Variants in HS6ST1 observed in about 807,000 individuals in gnomAD.
HS6ST1 encodes the protein heparan sulfate 6-O-sulfotransferase 1.
In HS6ST1, 3 loss-of-function variants were observed where a neutral mutation model predicts 25.2. The observed-to-expected ratio is 0.12, with a 90% CI of 0.05 to 0.31. HS6ST1 has a LOEUF of 0.31. HS6ST1 is among the 10% of genes least tolerant of loss of function. The probability of loss-of-function intolerance (pLI) is 1.00; values close to 1 mark genes in which losing one functional copy is unlikely to be tolerated. For synonymous variants in HS6ST1, 204 were observed against 275.1 expected, an observed-to-expected ratio of 0.74 and a Z score of 2.56; for missense variants, 310 against 609.6, an observed-to-expected ratio of 0.51 and a Z score of 5.18.
At chr2:128,305,403 C>G (rs1198088953) in intron 1 of HS6ST1, among the ~76,000 whole-genome samples, 1 of 152,216 alleles carries the variant, frequency 6.6e-6, no homozygotes, top group East Asian at 1.9e-4. Context: ...GACAAGCGGC[C>G]CTGCCTGGAC....
At chr2:128,290,936 C>T (rs559103013) in intron 1 of HS6ST1, among the ~76,000 whole-genome samples, 3 of 151,116 alleles carry the variant, frequency 2.0e-5, no homozygotes, top group South Asian at 2.1e-4. Flanking sequence ...GAGCGGAGAT[C>T]GTGTCATAGC....
intron 1 of HS6ST1, among the ~76,000 whole-genome samples, chr2:128,279,874 C>T (rs753728326): frequency 7.2e-5 from 11 of 152,178 alleles, no homozygotes; most frequent in Non-Finnish European, 1.6e-4. Context: ...CTGAGGACCG[C>T]GTGAGCACCC....
At chr2:128,276,933 T>A (rs951336890) in intron 1 of HS6ST1, among the ~76,000 whole-genome samples, 1 of 152,028 alleles carries the variant, frequency 6.6e-6, no homozygotes, top group Non-Finnish European at 1.5e-5. Context: ...AGGGCCCCTG[T>A]GGGTATCAGT....
At chr2:128,317,915 G>C (rs957234205) in intron 1 of HS6ST1, 122 bp downstream of exon 1, 2 of 1,196,344 alleles carry the variant, frequency 1.7e-6, no homozygotes, top group Non-Finnish European at 1.1e-6. Context: ...GCCGGCGAGT[G>C]GGGGCCCCCA....
chr2:128,313,876 G>A (rs543719397), intron 1 of HS6ST1, among the ~76,000 whole-genome samples: 4 of 151,230 alleles, frequency 2.6e-5, no homozygotes, highest in Admixed American at 2.0e-4. Context: ...CCCCAAGCTA[G>A]AGGACCATCT....
At chr2:128,313,879 G>C (rs1326488292) in intron 1 of HS6ST1, among the ~76,000 whole-genome samples, 1 of 151,188 alleles carries the variant, frequency 6.6e-6, no homozygotes, top group Non-Finnish European at 1.5e-5. Context: ...CAAGCTAGAG[G>C]ACCATCTAAA....
chr2:128,315,677 A>G (rs1184693693), intron 1 of HS6ST1, among the ~76,000 whole-genome samples: 1 of 151,990 alleles, frequency 6.6e-6, no homozygotes, highest in Non-Finnish European at 1.5e-5. Flanking sequence ...GGGGAAGTGC[A>G]TCCCAACCGC....
intron 1 of HS6ST1, among the ~76,000 whole-genome samples, chr2:128,303,846 G>A (rs561346354): frequency 6.6e-6 from 1 of 152,374 alleles, no homozygotes; most frequent in East Asian, 1.9e-4. Flanking sequence ...TTGTTTCTGG[G>A]TATGTCTGTG....
chr2:128,281,526 A>G (rs531563441), intron 1 of HS6ST1, among the ~76,000 whole-genome samples: 19 of 152,118 alleles, frequency 1.2e-4, no homozygotes, highest in Non-Finnish European at 2.5e-4. Context: ...AGCGGATGTG[A>G]CCGCGGAGCA....
chr2:128,269,575 G>A (rs1418024995), intron 1 of HS6ST1, among the ~76,000 whole-genome samples: 2 of 152,260 alleles, frequency 1.3e-5, no homozygotes, highest in Non-Finnish European at 2.9e-5. Flanking sequence ...ACGCTGGGCT[G>A]GAGGCGTCAG....
chr2:128,315,401 T>C (rs1262080199), intron 1 of HS6ST1, among the ~76,000 whole-genome samples: 1 of 151,938 alleles, frequency 6.6e-6, no homozygotes, highest in East Asian at 1.9e-4. Context: ...ACTGAGACCC[T>C]CCCAAACCGC....
chr2:128,306,689 G>A (rs1001637221), intron 1 of HS6ST1, among the ~76,000 whole-genome samples: 1 of 152,220 alleles, frequency 6.6e-6, no homozygotes. Context: ...GCAAATATGG[G>A]GCTGGGGTCA....
At position 128,267,094 on chromosome 2, in the gene HS6ST1, G is replaced by C. The variant is rs1053888092; in HGVS notation, c.*1068C>G. Reference sequence around the variant, plus strand: ...CCATACAGAGCCACTGTGGTCCGAGGGTACGGCTCCTGGGCAGGGGCTATG... The same window carrying C: ...CCATACAGAGCCACTGTGGTCCGAGCGTACGGCTCCTGGGCAGGGGCTATG... On this transcript the variant is annotated 3_prime_UTR_variant, in exon 2 of 2. Coordinates refer to ENST00000259241, the MANE Select transcript of HS6ST1 (RefSeq NM_004807.3). The C allele has an allele frequency of 1.3e-5, 2 of 152,270 alleles. No homozygotes were observed. Among genetic ancestry groups the C allele is most frequent in the Non-Finnish European group, 2.9e-5 (2 of 68,078 alleles). The allele number at this position is 152,270 out of a possible 1,614,324, so 9.4% of individuals were successfully genotyped here.
At chr2:128,293,173 C>T (rs1007172978) in intron 1 of HS6ST1, among the ~76,000 whole-genome samples, 7 of 152,252 alleles carry the variant, frequency 4.6e-5, no homozygotes, top group African/African-American at 1.4e-4. Flanking sequence ...TCCAGCGTCC[C>T]ACCCGCACAC....
chr2:128,298,160 A>G (rs1694067521), intron 1 of HS6ST1, among the ~76,000 whole-genome samples: 1 of 152,084 alleles, frequency 6.6e-6, no homozygotes. Context: ...TTATCAAAAA[A>G]CAGGAAGAAA....
Position 128,318,024 on chromosome 2 carries a change from C to G in HS6ST1, c.527+13G>C. 1 of 1,466,746 alleles carries G rather than the reference C, an allele frequency of 6.8e-7. No individual in the cohort carries two copies. Among genetic ancestry groups the G allele is most frequent in the Non-Finnish European group, 8.9e-7 (1 of 1,120,322 alleles). 90.9% of individuals were successfully genotyped at this position (1,466,746 alleles called of 1,614,324 possible). A position where few individuals can be genotyped will look rare whatever the true frequency, so the allele number is the denominator to read the frequency against. On this transcript the variant is annotated intron_variant, in intron 1 of 1. Coordinates refer to ENST00000259241, the MANE Select transcript of HS6ST1 (RefSeq NM_004807.3). The surrounding 1 kb of genome is among the most constrained non-coding windows in gnomAD (Gnocchi z 5.7). The stretch of plus-strand genomic sequence containing the variant: ...GCGCAGCTGCGCGAGGATCCCGCCG[C>G]CCGGGCGCTCACCTGGGCGTGCGCA...
intron 1 of HS6ST1, among the ~76,000 whole-genome samples, chr2:128,299,311 G>A (rs1202746265): frequency 2.0e-5 from 3 of 152,358 alleles, no homozygotes; most frequent in African/African-American, 2.4e-5. Context: ...CTGCACCCTT[G>A]GACACAGGCC....
Position 128,318,403 on chromosome 2 carries a change from A to G in HS6ST1, c.161T>C (p.Leu54Pro). Reference protein sequence around the residue: ...APGGRAPPDDLDLFPTPDPHY... With the variant: ...APGGRAPPDDPDLFPTPDPHY... ...GGGGTCGGGTGTGGGGAACAGGTCC[A>G]GGTCGTCGGGCGGCGCGCGGCCGCC... Residue 54 changes from leucine (L) to proline (P), a missense_variant, in exon 1 of 2, where the codon CTG becomes CCG. Around this residue, in one of 5 missense-constraint regions of HS6ST1, gnomAD observed 63 missense variants for 105.4 expected, o/e 0.60. Coordinates refer to ENST00000259241, the MANE Select transcript of HS6ST1 (RefSeq NM_004807.3). The surrounding 1 kb of genome is among the most constrained non-coding windows in gnomAD (Gnocchi z 5.7). 6.2e-7 allele frequency: 1 copy of G among 1,604,504 alleles called. No homozygotes were observed. Among genetic ancestry groups the G allele is most frequent in the Non-Finnish European group, 8.5e-7 (1 of 1,176,458 alleles).
At chr2:128,274,065 T>C (rs1362056865) in intron 1 of HS6ST1, among the ~76,000 whole-genome samples, 1 of 152,188 alleles carries the variant, frequency 6.6e-6, no homozygotes, top group African/African-American at 2.4e-5. Context: ...CACTGACACC[T>C]GGGACCCCAC....
Sources: allele counts gnomAD v4.1 joint callset (sites outside exome capture counted in the v4.1 genomes callset), GRCh38; gene constraint gnomAD v4.1.1; regional missense constraint gnomAD v4.1.1; non-coding constraint Gnocchi (gnomAD v3.1); transcripts MANE v1.5; gene names NCBI Gene and HGNC (gene_info 2026-07-23, HGNC 2026-07-21).